Variants in LRIG2 observed in about 807,000 individuals in gnomAD.
The protein encoded by LRIG2 is leucine rich repeats and immunoglobulin like domains 2.
LRIG2 carries 93 observed loss-of-function variants against 107.8 expected under a neutral mutation model. The ratio of observed to expected loss-of-function variants is 0.86; its 90% CI spans 0.73 to 1.03. The LOEUF is 1.03. Among genes scored for constraint, LRIG2 ranks in the 50% least tolerant of loss-of-function variants. The pLI is 0.00. For synonymous variants in LRIG2, 471 were observed against 470.6 expected, an observed-to-expected ratio of 1.00 and a Z score of -0.01; for missense variants, 1,226 against 1,296.0, an observed-to-expected ratio of 0.95 and a Z score of 0.83.
At chr1:113,122,002 A>G (rs967297025) in intron 17 of LRIG2, among the ~76,000 whole-genome samples, 3 of 150,504 alleles carry the variant, frequency 2.0e-5, no homozygotes, top group African/African-American at 7.4e-5. Context: ...TTTTGCATTT[A>G]CTACTTCATG....
intron 1 of LRIG2, among the ~76,000 whole-genome samples, chr1:113,079,884 C>T (rs1653180088): frequency 6.6e-6 from 1 of 150,880 alleles, no homozygotes; most frequent in African/African-American, 2.4e-5. Context: ...CGCCCACCAC[C>T]ATGCCTAGCT....
At chr1:113,109,324 A>G (rs910645720) in intron 12 of LRIG2, among the ~76,000 whole-genome samples, 48 of 152,216 alleles carry the variant, frequency 3.2e-4, no homozygotes, top group Admixed American at 3.1e-3. Context: ...TTATGAATCC[A>G]TATTTTATTA....
chr1:113,117,775 C>T (rs996279567), intron 16 of LRIG2, among the ~76,000 whole-genome samples: 3 of 152,186 alleles, frequency 2.0e-5, no homozygotes, highest in Non-Finnish European at 2.9e-5. Context: ...GCCACCGCAC[C>T]TGGCTGGCAT....
chr1:113,091,772 AAT>A (rs1316854099), intron 2 of LRIG2, among the ~76,000 whole-genome samples: 1 of 152,220 alleles, frequency 6.6e-6, no homozygotes. Context: ...ATTTATATGA[AAT>A]AGAGTATTCT....
intron 11 of LRIG2, 136 bp downstream of exon 11, chr1:113,100,624 A>T (rs376466393): frequency 1.9e-6 from 1 of 540,458 alleles, no homozygotes; most frequent in Admixed American, 3.1e-5. Context: ...ATTAATACTC[A>T]GTTATTTAAG....
chr1:113,108,225 CT>C (rs58719865), intron 12 of LRIG2, among the ~76,000 whole-genome samples: 506 of 139,786 alleles, frequency 3.6e-3, no homozygotes, highest in East Asian at 7.6e-3. Context: ...TTCAAATATA[CT>C]TTTTTTTTTT....
Position 113,098,730 on chromosome 1 carries a change from TG to T in LRIG2, c.1120del (p.Ala374ProfsTer2). 1 of 1,612,640 alleles carries T rather than the reference TG, an allele frequency of 6.2e-7. No homozygotes were observed. The highest frequency in any genetic ancestry group is 8.5e-7 in the Non-Finnish European group (1 of 1,178,740). On this transcript the variant is annotated frameshift_variant, in exon 9 of 18. Coordinates refer to ENST00000361127, the MANE Select transcript of LRIG2 (RefSeq NM_014813.3). LOFTEE classifies it high-confidence loss of function. ...AGACTTAAGAAACAATGAAATTTCA[TG>T]GGCCATAGAAGATGCTAGTGAAGCC... is the stretch of plus-strand genomic sequence containing the variant. The part of the protein sequence containing the change: ...TLDLRNNEIS[W>X]AIEDASEAFA...
Position 113,110,255 on chromosome 1 carries a change from G to A in LRIG2, c.1491G>A (p.Lys497=). Residue 497 remains lysine (K), a synonymous_variant, in exon 13 of 18, where the codon AAG becomes AAA. Coordinates refer to ENST00000361127, the MANE Select transcript of LRIG2 (RefSeq NM_014813.3). ...TTTTCCCCTTAGATGATTTTCTCAA[G>A]CCACAGATAAGGACACATCCTGAAA... ...LKDFVCDDFL[K]PQIRTHPETI... 1.5e-5 allele frequency: 23 copies of A among 1,581,720 alleles called. No homozygotes were observed. Among genetic ancestry groups the A allele is most frequent in the Non-Finnish European group, 1.8e-5 (21 of 1,160,666 alleles).
chr1:113,100,829 G>T, intron 11 of LRIG2: 1 of 179,156 alleles, frequency 5.6e-6, no homozygotes, highest in South Asian at 1.6e-4. Context: ...ACCTTGTGTG[G>T]GTTACAATAA....
intron 1 of LRIG2, among the ~76,000 whole-genome samples, chr1:113,080,330 A>AT (rs1213509734): frequency 1.4e-5 from 2 of 145,696 alleles, no homozygotes; most frequent in Non-Finnish European, 3.0e-5. Flanking sequence ...ATCAGGAGAA[A>AT]TTTTAAAACA....
At chr1:113,089,569 G>C (rs1653698652) in intron 1 of LRIG2, among the ~76,000 whole-genome samples, 1 of 151,612 alleles carries the variant, frequency 6.6e-6, no homozygotes, top group African/African-American at 2.4e-5. Flanking sequence ...TGTGTCAGGT[G>C]CATAGAAGAA....
At chr1:113,097,544 G>A (rs1483422812) in intron 8 of LRIG2, among the ~76,000 whole-genome samples, 3 of 152,314 alleles carry the variant, frequency 2.0e-5, no homozygotes, top group Non-Finnish European at 2.9e-5. Flanking sequence ...ATTATCAGAA[G>A]TGAAACTGGA....
chr1:113,087,470 T>G (rs1260460386), intron 1 of LRIG2, among the ~76,000 whole-genome samples: 1 of 152,168 alleles, frequency 6.6e-6, no homozygotes, highest in Non-Finnish European at 1.5e-5. Flanking sequence ...TGCCTCAGCC[T>G]CCCGAGTACC....
intron 12 of LRIG2, among the ~76,000 whole-genome samples, chr1:113,109,396 G>A (rs1654675056): frequency 6.6e-6 from 1 of 152,124 alleles, no homozygotes; most frequent in Admixed American, 6.5e-5. Flanking sequence ...CACTACTTCA[G>A]GTGAAACCCG....
chr1:113,080,830 CTA>C (rs1324373548), intron 1 of LRIG2, among the ~76,000 whole-genome samples: 1 of 143,758 alleles, frequency 7.0e-6, no homozygotes, highest in Non-Finnish European at 1.5e-5. Flanking sequence ...TATGGGAACA[CTA>C]AAAGTTTTTT....
rs554806544 is a variant in LRIG2 at position 113,085,530 on chromosome 1, C to T, written c.240-5788C>T. Among the ~76,000 whole-genome samples, 6 of 152,304 alleles carry T rather than the reference C, an allele frequency of 3.9e-5. No individual in the cohort carries two copies. In the South Asian group the frequency reaches 6.2e-4, roughly 16 times the overall value. The stretch of plus-strand genomic sequence containing the variant: ...CACTTCTGACCTCAGGTGATCCGCC[C>T]GCCTTGGCTTCCCAAAGTGCTGGGA... On this transcript the variant is annotated intron_variant, in intron 1 of 17. Coordinates refer to ENST00000361127, the MANE Select transcript of LRIG2 (RefSeq NM_014813.3).
At chr1:113,078,384 GC>G (rs2101013453) in intron 1 of LRIG2, among the ~76,000 whole-genome samples, 1 of 151,648 alleles carries the variant, frequency 6.6e-6, no homozygotes, top group East Asian at 2.0e-4. Flanking sequence ...GATTACCGGT[GC>G]CCACCACCAC....
Position 113,096,268 on chromosome 1 carries a change from G to T in LRIG2, c.994G>T (p.Val332Leu). 6.2e-7 allele frequency: 1 copy of T among 1,614,168 alleles called. No individual in the cohort carries two copies. The highest frequency in any genetic ancestry group is 8.5e-7 in the Non-Finnish European group (1 of 1,180,028). ...GACCCGCCTGGATGAATCTGCCTTT[G>T]TGGGTCTGAGCTTATTGGAGAGATT... Reference protein sequence around the residue: ...QLTRLDESAFVGLSLLERLNL... With the variant: ...QLTRLDESAFLGLSLLERLNL... Residue 332 changes from valine to leucine, a missense_variant, in exon 8 of 18, where the codon GTG (valine) becomes TTG (leucine). Around this residue, in one of 3 missense-constraint regions of LRIG2, gnomAD observed 570 missense variants for 550.2 expected, o/e 1.04. Transcript: ENST00000361127.
rs1375627439 is a variant in LRIG2, at chr1:113,092,188, A to C, written c.305+805A>C. 3.9e-5 allele frequency among the ~76,000 whole-genome samples: 6 copies of C among 152,298 alleles called. No homozygotes were observed. The East Asian group carries it at 1.2e-3, about 29-fold the overall frequency. Reference sequence around the variant, plus strand: ...AAAATGCTTCAGTGGGAAGTGCATGAGCTTTATTGCATGGACTTTGTAACT... The same window carrying C: ...AAAATGCTTCAGTGGGAAGTGCATGCGCTTTATTGCATGGACTTTGTAACT... On this transcript the variant is annotated intron_variant, in intron 2 of 17. Transcript: ENST00000361127.
Sources: allele counts gnomAD v4.1 joint callset (sites outside exome capture counted in the v4.1 genomes callset), GRCh38; gene constraint gnomAD v4.1.1; regional missense constraint gnomAD v4.1.1; transcripts MANE v1.5; gene names NCBI Gene and HGNC (gene_info 2026-07-23, HGNC 2026-07-21).